The following CIB2 variants were observed in gnomAD, a reference collection of about 807,000 sequenced individuals.
CIB2 encodes calcium and integrin-binding family member 2.
Under a neutral mutation model 23.1 loss-of-function variants are expected in CIB2, and 19 were observed. The observed-to-expected ratio is 0.82, with a 90% CI of 0.57 to 1.21. The LOEUF (loss-of-function observed/expected upper bound fraction) is 1.21. Among genes scored for constraint, CIB2 ranks in the 50% most tolerant of loss-of-function variants. The probability of loss-of-function intolerance (pLI) is 0.00; values close to 1 mark genes in which losing one functional copy is unlikely to be tolerated. For synonymous variants in CIB2, 94 were observed against 91.7 expected (o/e 1.03, Z -0.14); for missense variants, 220 against 241.5 (o/e 0.91, Z 0.59).
intron 4 of CIB2, among the ~76,000 whole-genome samples, chr15:78,107,234 C>G (rs574873998): frequency 6.6e-6 from 1 of 151,886 alleles, no homozygotes; most frequent in Admixed American, 6.6e-5. Flanking sequence ...GACTCTATCT[C>G]AAAAATAAAA....
rs1027322763 is a variant in CIB2 at position 78,108,647 on chromosome 15, C to T, written c.346+588G>A. Among the ~76,000 whole-genome samples the T allele has an allele frequency of 4.6e-5, 7 of 152,186 alleles. No homozygotes were observed. The East Asian group carries it at 1.3e-3, about 29-fold the overall frequency. On this transcript the variant is annotated intron_variant, in intron 4 of 5. Transcript: ENST00000258930. The stretch of plus-strand genomic sequence containing the variant: ...GCAGGCCTGGCCTTACCACCATGGC[C>T]TAGGCAGCCTCTCTGGCTCCTCCAT...
intron 1 of CIB2, among the ~76,000 whole-genome samples, chr15:78,129,663 C>T (rs1485410588): frequency 6.6e-6 from 1 of 152,162 alleles, no homozygotes; most frequent in Admixed American, 6.5e-5. Context: ...ATCACAAGGG[C>T]CACACACTGG....
rs547129387 is a variant in CIB2 at position 78,130,831 on chromosome 15, G to A, written c.51+334C>T. 4.6e-5 allele frequency among the ~76,000 whole-genome samples: 7 copies of A among 152,286 alleles called. No individual in the cohort carries two copies. In the East Asian group the frequency reaches 9.7e-4, roughly 21 times the overall value. On this transcript the variant is annotated intron_variant, in intron 1 of 5. Coordinates refer to ENST00000258930, the MANE Select transcript of CIB2 (RefSeq NM_006383.4). Reference sequence around the variant, plus strand: ...CAGGGAGCGGGGAGGGCGGTCCTCCGTCCAGCCTAGTTTACTGACTCCCTC... The same window carrying A: ...CAGGGAGCGGGGAGGGCGGTCCTCCATCCAGCCTAGTTTACTGACTCCCTC...
At chr15:78,125,888 G>A (rs1258452418) in intron 1 of CIB2, among the ~76,000 whole-genome samples, 1 of 152,144 alleles carries the variant, frequency 6.6e-6, no homozygotes, top group Non-Finnish European at 1.5e-5. Context: ...CACTCAGGTG[G>A]TCCCAACGTG....
In CIB2 at chr15:78,109,665, A is replaced by G. The variant is rs141079023; in HGVS notation, c.199-283T>C. Among the ~76,000 whole-genome samples the G allele has an allele frequency of 8.8e-3, 1,342 of 152,110 alleles. 14 individuals carry two copies. Among genetic ancestry groups the G allele is most frequent in the Non-Finnish European group, 0.011 (741 of 68,006 alleles). On this transcript the variant is annotated intron_variant, in intron 3 of 5. Transcript: ENST00000258930. ...TCACATCATTAAGATGGGCACAGCC[A>G]GGGACAGTGGTGCACGCCTGTAGTC...
chr15:78,127,097 A>G (rs2074391506), intron 1 of CIB2, among the ~76,000 whole-genome samples: 1 of 152,188 alleles, frequency 6.6e-6, no homozygotes, highest in African/African-American at 2.4e-5. Flanking sequence ...GAGATAAGGT[A>G]CAGGAAGTCT....
chr15:78,106,013 G>T, intron 4 of CIB2, 79 bp from the exon 5 acceptor site: 1 of 1,205,102 alleles, frequency 8.3e-7, no homozygotes, highest in Non-Finnish European at 1.2e-6. Flanking sequence ...CTTCCTCCTA[G>T]CTGGCCCCAC....
intron 2 of CIB2, chr15:78,120,668 G>T (rs1226115547): frequency 3.0e-6 from 3 of 985,366 alleles, no homozygotes; most frequent in African/African-American, 1.7e-5. Flanking sequence ...CTACCTGGGT[G>T]GGGGCAGGGC....
chr15:78,130,435 C>T (rs1187582149), intron 1 of CIB2, among the ~76,000 whole-genome samples: 1 of 152,100 alleles, frequency 6.6e-6, no homozygotes, highest in South Asian at 2.1e-4. Flanking sequence ...TCCGGGTAAG[C>T]CAAGGGGTTG....
At chr15:78,114,905 A>AGT in intron 2 of CIB2, among the ~76,000 whole-genome samples, 1 of 152,154 alleles carries the variant, frequency 6.6e-6, no homozygotes, top group Middle Eastern at 3.2e-3. Flanking sequence ...CTAAAAAAAA[A>AGT]AAAGATAAGT....
At chr15:78,118,608 T>C (rs1183946685) in intron 2 of CIB2, among the ~76,000 whole-genome samples, 1 of 143,932 alleles carries the variant, frequency 6.9e-6, no homozygotes, top group Admixed American at 6.9e-5. Context: ...AAAAAAAAAA[T>C]TGTGATAAAA....
chr15:78,119,183 A>C (rs1412431595), intron 2 of CIB2, among the ~76,000 whole-genome samples: 4 of 152,010 alleles, frequency 2.6e-5, no homozygotes, highest in Non-Finnish European at 5.9e-5. Context: ...ACCTCATGTA[A>C]GTGGAATCGT....
intron 2 of CIB2, among the ~76,000 whole-genome samples, chr15:78,113,445 G>A (rs1032384095): frequency 2.6e-5 from 4 of 152,064 alleles, no homozygotes; most frequent in Non-Finnish European, 4.4e-5. Context: ...TTCTTGCATA[G>A]AGGAAAACTA....
chr15:78,126,534 CT>C (rs1555427660), intron 1 of CIB2, among the ~76,000 whole-genome samples: 2 of 152,186 alleles, frequency 1.3e-5, no homozygotes, highest in Non-Finnish European at 2.9e-5. Context: ...TTCTTGGCCA[CT>C]GCCTATGACT....
At chr15:78,115,459 G>A (rs1395635120) in intron 2 of CIB2, among the ~76,000 whole-genome samples, 4 of 151,578 alleles carry the variant, frequency 2.6e-5, no homozygotes, top group Admixed American at 2.6e-4. Context: ...ATGGGGTTTC[G>A]TCATGCTGGC....
At chr15:78,107,887 T>C (rs1201104111) in intron 4 of CIB2, among the ~76,000 whole-genome samples, 1 of 152,102 alleles carries the variant, frequency 6.6e-6, no homozygotes, top group East Asian at 1.9e-4. Flanking sequence ...AAGTGAAACG[T>C]CAGTCTGGGC....
Position 78,109,258 on chromosome 15 carries a change from G to C in CIB2, c.323C>G (p.Ala108Gly). The C allele has an allele frequency of 6.2e-7, 1 of 1,606,410 alleles. No individual in the cohort carries two copies. Among genetic ancestry groups the C allele is most frequent in the Non-Finnish European group, 8.5e-7 (1 of 1,177,504 alleles). ...LCESAPRELK[A>G]NYAFKIYDFN... ...ACCATAGATCTTGAAGGCATAGTTT[G>C]CCTTGAGCTCTCGGGGAGCCGACTC... The change falls in exon 4 of 6, where the codon GCA (alanine) becomes GGA (glycine). Residue 108 changes from alanine (A) to glycine (G), a missense_variant. Transcript: ENST00000258930.
intron 2 of CIB2, chr15:78,120,727 C>T: frequency 1.0e-6 from 1 of 985,624 alleles, no homozygotes; most frequent in South Asian, 4.7e-5. Context: ...GGTATCACTG[C>T]CCCAAAGTTG....
Position 78,109,356 on chromosome 15 carries a change from C to T in CIB2, c.225G>A (p.Val75=). ...CCTCACCATCCTCGGAAAACGCCGC[C>T]ACGATCCTTTCTTTGAAGGGATTCT... ...LRENPFKERI[V]AAFSEDGEGN... The change falls in exon 4 of 6, where the codon GTG becomes GTA. Residue 75 remains valine, a synonymous_variant. Coordinates refer to ENST00000258930, the MANE Select transcript of CIB2 (RefSeq NM_006383.4). 1 of 1,614,160 alleles carries T rather than the reference C, an allele frequency of 6.2e-7. No individual in the cohort carries two copies. Among genetic ancestry groups the T allele is most frequent in the Non-Finnish European group, 8.5e-7 (1 of 1,180,042 alleles).
Sources: gnomAD v4.1 joint callset for allele counts (sites outside exome capture counted in the v4.1 genomes callset) on GRCh38, gnomAD v4.1.1 for gene constraint, MANE v1.5 for transcripts, NCBI Gene and HGNC (gene_info 2026-07-23, HGNC 2026-07-21) for gene names.